Variants in OPCML observed in about 807,000 individuals in gnomAD.
OPCML encodes opioid-binding protein/cell adhesion molecule.
Under a neutral mutation model 37.8 loss-of-function variants are expected in OPCML, and 13 were observed. The ratio of observed to expected loss-of-function variants is 0.34; its 90% CI spans 0.22 to 0.55. The LOEUF (loss-of-function observed/expected upper bound fraction) is 0.55. Ranked by LOEUF, OPCML falls within the 20% of genes least tolerant of loss-of-function variation. The probability of loss-of-function intolerance (pLI) is 0.91; values close to 1 mark genes in which losing one functional copy is unlikely to be tolerated. For missense variants in OPCML, 341 were observed against 435.6 expected (o/e 0.78, Z 1.93); for synonymous variants, 176 against 168.8 (o/e 1.04, Z -0.33).
intron 2 of OPCML, among the ~76,000 whole-genome samples, chr11:132,689,359 C>T (rs1471932115): frequency 6.6e-6 from 1 of 152,106 alleles, no homozygotes; most frequent in Non-Finnish European, 1.5e-5. Flanking sequence ...ACTGACAGTT[C>T]AAATTTTGTG....
At chr11:133,329,918 A>T (rs1943577093) in intron 1 of OPCML, among the ~76,000 whole-genome samples, 1 of 152,224 alleles carries the variant, frequency 6.6e-6, no homozygotes, top group South Asian at 2.1e-4. Flanking sequence ...AGAATGGGAG[A>T]AAATTTTTGC....
chr11:133,303,986 C>G (rs890905525), intron 1 of OPCML, among the ~76,000 whole-genome samples: 11 of 152,196 alleles, frequency 7.2e-5, no homozygotes, highest in Admixed American at 5.2e-4. Context: ...TACTGGAACA[C>G]TTAATGTGAA....
chr11:133,319,580 C>A (rs957874267), intron 1 of OPCML, among the ~76,000 whole-genome samples: 1 of 152,184 alleles, frequency 6.6e-6, no homozygotes, highest in African/African-American at 2.4e-5. Flanking sequence ...CCTCTAATCA[C>A]CTAGGCAAAA....
At chr11:133,123,519 C>G (rs986583579) in intron 1 of OPCML, among the ~76,000 whole-genome samples, 3 of 152,136 alleles carry the variant, frequency 2.0e-5, no homozygotes, top group East Asian at 3.9e-4. Flanking sequence ...AAGGGCAGCA[C>G]GCCTCCGAGG....
At chr11:133,175,624 A>C (rs940223275) in intron 1 of OPCML, among the ~76,000 whole-genome samples, 4 of 151,946 alleles carry the variant, frequency 2.6e-5, no homozygotes, top group Admixed American at 2.6e-4. Flanking sequence ...AAAAGGACAA[A>C]GAGCCTTAAA....
chr11:133,219,868 ACCCCCTT>A (rs1045926065), intron 1 of OPCML, among the ~76,000 whole-genome samples: 6 of 152,022 alleles, frequency 3.9e-5, no homozygotes, highest in Non-Finnish European at 7.4e-5. Context: ...AATGCACAGA[ACCCCCTT>A]CCCAAACTGT....
chr11:132,569,598 G>T (rs1046400258), intron 3 of OPCML, among the ~76,000 whole-genome samples: 18 of 152,048 alleles, frequency 1.2e-4, no homozygotes, highest in African/African-American at 4.1e-4. Flanking sequence ...GTGGCAGTAG[G>T]GGGTAGCCTC....
chr11:132,430,364 A>T (rs2095992527), intron 7 of OPCML, among the ~76,000 whole-genome samples: 1 of 152,124 alleles, frequency 6.6e-6, no homozygotes, highest in Non-Finnish European at 1.5e-5. Context: ...TTCCCATGAG[A>T]AGGAGGTCAG....
chr11:133,506,790 C>T (rs751001180), intron 1 of OPCML, among the ~76,000 whole-genome samples: 13 of 152,192 alleles, frequency 8.5e-5, no homozygotes, highest in Non-Finnish European at 1.5e-4. Context: ...AATCAGCATA[C>T]GCCACTGCCC....
chr11:133,049,562 C>G (rs1256499830), intron 1 of OPCML, among the ~76,000 whole-genome samples: 4 of 152,166 alleles, frequency 2.6e-5, no homozygotes, highest in African/African-American at 7.2e-5. Context: ...CAAAGCAAAA[C>G]AAAAGAGAAG....
At chr11:133,465,329 C>T (rs1946951113) in intron 1 of OPCML, among the ~76,000 whole-genome samples, 1 of 152,180 alleles carries the variant, frequency 6.6e-6, no homozygotes, top group Admixed American at 6.5e-5. Context: ...AGTAATCTCC[C>T]TATCTCAAGA....
In OPCML at chr11:133,024,718, A is replaced by G. The variant is rs911698616; in HGVS notation, c.62-81708T>C. Reference sequence around the variant, plus strand: ...GGATGGGGAGGTTCTTAACGTATGCATCTTTGCCAGCCCTCGCGCTTTTGA... The same window carrying G: ...GGATGGGGAGGTTCTTAACGTATGCGTCTTTGCCAGCCCTCGCGCTTTTGA... On this transcript the variant is annotated intron_variant, in intron 1 of 7. Transcript: ENST00000524381. 6 of 898,958 alleles carry G rather than the reference A, an allele frequency of 6.7e-6. No homozygotes were observed. The East Asian group carries it at 6.0e-4, about 89-fold the overall frequency. The allele number at this position is 898,958 out of a possible 1,614,324, so 55.7% of individuals were successfully genotyped here.
intron 1 of OPCML, among the ~76,000 whole-genome samples, chr11:133,463,512 T>C (rs1291120888): frequency 6.6e-6 from 1 of 152,188 alleles, no homozygotes; most frequent in African/African-American, 2.4e-5. Flanking sequence ...ATCCTATTTA[T>C]ACTCTTACCA....
At chr11:133,100,598 T>A (rs1404261308) in intron 1 of OPCML, among the ~76,000 whole-genome samples, 1 of 152,230 alleles carries the variant, frequency 6.6e-6, no homozygotes, top group Non-Finnish European at 1.5e-5. Flanking sequence ...AAGACTGTGA[T>A]ATTGGTATTA....
At position 132,417,900 on chromosome 11, in the gene OPCML, G is replaced by C. The variant is rs529570539; in HGVS notation, c.*2293C>G. 1.3e-5 allele frequency: 2 copies of C among 152,310 alleles called. No homozygotes were observed. The highest frequency in any genetic ancestry group is 3.9e-4 in the East Asian group (2 of 5,176). 9.4% of individuals were successfully genotyped at this position (152,310 alleles called of 1,614,324 possible). A position where few individuals can be genotyped will look rare whatever the true frequency, so the allele number is the denominator to read the frequency against. On this transcript the variant is annotated 3_prime_UTR_variant, in exon 8 of 8. Coordinates refer to ENST00000524381, the MANE Select transcript of OPCML (RefSeq NM_001012393.5). ...CACCATTCCTGGCACATCAGTTACG[G>C]TTCCCGAATCTGGCTCCTGGCAGCT... is the stretch of plus-strand genomic sequence containing the variant.
chr11:133,031,896 G>T (rs1180196419), intron 1 of OPCML, among the ~76,000 whole-genome samples: 3 of 152,136 alleles, frequency 2.0e-5, no homozygotes, highest in African/African-American at 7.2e-5. Context: ...GTACCAAAAG[G>T]TTAACATTTA....
At chr11:132,879,887 T>C (rs889605979) in intron 2 of OPCML, among the ~76,000 whole-genome samples, 2 of 152,224 alleles carry the variant, frequency 1.3e-5, no homozygotes, top group African/African-American at 4.8e-5. Flanking sequence ...ACCTTCTTTA[T>C]GGTGACTTGG....
chr11:133,361,146 C>A (rs1565592511), intron 1 of OPCML: 1 of 152,358 alleles, frequency 6.6e-6, no homozygotes, highest in Non-Finnish European at 1.5e-5. Context: ...ACCGCTTGAC[C>A]ACCAAGCCGG....
Position 132,617,254 on chromosome 11 carries a change from A to G in OPCML, c.379+39833T>C, listed in dbSNP as rs544216289. On this transcript the variant is annotated intron_variant, in intron 3 of 7. Transcript: ENST00000524381. ...TGGGGAGGGGGTTGAGAAAAATCCA[A>G]GGAAGTATTTATTTTGGAGGAGAGA... 2.0e-5 allele frequency among the ~76,000 whole-genome samples: 3 copies of G among 152,372 alleles called. No individual in the cohort carries two copies. In the South Asian group the frequency reaches 6.2e-4, roughly 32 times the overall value.
Sources: allele counts gnomAD v4.1 joint callset (sites outside exome capture counted in the v4.1 genomes callset), GRCh38; gene constraint gnomAD v4.1.1; transcripts MANE v1.5; gene names NCBI Gene and HGNC (gene_info 2026-07-23, HGNC 2026-07-21).